The following KCNAB1 variants were observed in gnomAD, a reference collection of about 807,000 sequenced individuals.
KCNAB1 encodes the protein voltage-gated potassium channel subunit beta-1.
A neutral mutation model predicts 64.6 loss-of-function variants in KCNAB1; 35 were observed. That is an observed-to-expected ratio of 0.54 (90% CI 0.41 to 0.72). KCNAB1 has a LOEUF of 0.72. Ranked by LOEUF, KCNAB1 falls within the 30% of genes least tolerant of loss-of-function variation. The probability of loss-of-function intolerance (pLI) is 0.00; values close to 1 mark genes in which losing one functional copy is unlikely to be tolerated. For missense variants in KCNAB1, 401 were observed against 512.9 expected, an observed-to-expected ratio of 0.78 and a Z score of 2.11; for synonymous variants, 177 against 183.8, an observed-to-expected ratio of 0.96 and a Z score of 0.30.
intron 1 of KCNAB1, among the ~76,000 whole-genome samples, chr3:156,357,726 G>A (rs1725353423): frequency 2.6e-5 from 4 of 151,014 alleles, no homozygotes; most frequent in Admixed American, 2.6e-4. Context: ...ACTTCAATAT[G>A]TAATCATATA....
chr3:156,533,054 T>G (rs1217091164), intron 13 of KCNAB1, among the ~76,000 whole-genome samples: 1 of 152,222 alleles, frequency 6.6e-6, no homozygotes, highest in Non-Finnish European at 1.5e-5. Flanking sequence ...GCCTATTGTA[T>G]ACCAGGTACT....
chr3:156,456,715 G>GA (rs1437316613), intron 3 of KCNAB1, among the ~76,000 whole-genome samples: 1 of 152,154 alleles, frequency 6.6e-6, no homozygotes, highest in East Asian at 1.9e-4. Flanking sequence ...TCGGCAAAAT[G>GA]AAAAAATGGC....
At chr3:156,237,957 C>T (rs1261525603) in intron 1 of KCNAB1, among the ~76,000 whole-genome samples, 1 of 152,090 alleles carries the variant, frequency 6.6e-6, no homozygotes, top group Non-Finnish European at 1.5e-5. Context: ...ACAGTGCTAG[C>T]CCAGAGTAGG....
chr3:156,158,080 G>T (rs949858947), intron 1 of KCNAB1, among the ~76,000 whole-genome samples: 1 of 151,200 alleles, frequency 6.6e-6, no homozygotes, highest in Non-Finnish European at 1.5e-5. Flanking sequence ...CAGGAGAATG[G>T]CGTGAACCCG....
chr3:156,291,719 C>T (rs1720438288), intron 1 of KCNAB1: 2 of 1,436,602 alleles, frequency 1.4e-6, no homozygotes, highest in South Asian at 1.5e-5. Context: ...TTTCCTGCAT[C>T]GCAGCCCCTT....
intron 1 of KCNAB1, among the ~76,000 whole-genome samples, chr3:156,156,242 T>C (rs1344220501): frequency 6.6e-6 from 1 of 151,654 alleles, no homozygotes; most frequent in Non-Finnish European, 1.5e-5. Flanking sequence ...GCTAGATTTT[T>C]CTTTGGGCAA....
chr3:156,530,803 A>G (rs886657415), intron 12 of KCNAB1, among the ~76,000 whole-genome samples: 6 of 152,184 alleles, frequency 3.9e-5, no homozygotes, highest in Non-Finnish European at 5.9e-5. Flanking sequence ...CCTAGAGTCT[A>G]CAAGAGTTCC....
intron 1 of KCNAB1, among the ~76,000 whole-genome samples, chr3:156,386,202 AAGTG>A (rs1472738067): frequency 6.6e-6 from 1 of 152,236 alleles, no homozygotes; most frequent in African/African-American, 2.4e-5. Flanking sequence ...GAAGAGACCC[AAGTG>A]AGTAACTTGA....
chr3:156,419,528 A>C (rs1170466706), intron 1 of KCNAB1, among the ~76,000 whole-genome samples: 1 of 151,728 alleles, frequency 6.6e-6, no homozygotes, highest in Non-Finnish European at 1.5e-5. Flanking sequence ...AAAAAAAAGA[A>C]AGAAAAGAAA....
chr3:156,524,096 G>A, intron 12 of KCNAB1, 149 bp downstream of exon 12: 1 of 774,196 alleles, frequency 1.3e-6, no homozygotes, highest in Non-Finnish European at 1.9e-6. Context: ...TATAAAGTGA[G>A]TTATTTGAGG....
intron 1 of KCNAB1, among the ~76,000 whole-genome samples, chr3:156,352,783 G>C (rs1366965358): frequency 6.6e-6 from 1 of 152,234 alleles, no homozygotes. Context: ...ACAGGAAAAA[G>C]GCTTTGGGCA....
intron 1 of KCNAB1, among the ~76,000 whole-genome samples, chr3:156,249,590 GA>G (rs1160399327): frequency 5.3e-5 from 8 of 151,146 alleles, no homozygotes; most frequent in East Asian, 1.9e-4. Context: ...GAAAAAAAAA[GA>G]AAAAAAAGTA....
intron 1 of KCNAB1, among the ~76,000 whole-genome samples, chr3:156,346,276 A>G (rs1724476654): frequency 6.6e-6 from 1 of 152,106 alleles, no homozygotes; most frequent in African/African-American, 2.4e-5. Context: ...CTGGTAGGAG[A>G]AAAACTCAGA....
At chr3:156,250,235 C>A (rs1321660988) in intron 1 of KCNAB1, among the ~76,000 whole-genome samples, 2 of 152,146 alleles carry the variant, frequency 1.3e-5, no homozygotes, top group East Asian at 3.9e-4. Context: ...GAGTTGTTGG[C>A]CCTAGAAAGC....
At chr3:156,529,236 C>T (rs190794939) in intron 12 of KCNAB1, among the ~76,000 whole-genome samples, 6 of 152,270 alleles carry the variant, frequency 3.9e-5, no homozygotes, top group East Asian at 3.9e-4. Flanking sequence ...CAGACACAAA[C>T]GACCACCTAT....
intron 2 of KCNAB1, among the ~76,000 whole-genome samples, chr3:156,429,472 TA>T (rs1422015264): frequency 6.6e-6 from 1 of 152,190 alleles, no homozygotes; most frequent in African/African-American, 2.4e-5. Context: ...TGCCCCTCCC[TA>T]ACCAAGAGAA....
chr3:156,495,137 T>C (rs373312779), intron 8 of KCNAB1, among the ~76,000 whole-genome samples: 18 of 152,128 alleles, frequency 1.2e-4, no homozygotes, highest in African/African-American at 4.3e-4. Flanking sequence ...GTTTTCTGTT[T>C]CTGCATTAGT....
chr3:156,141,917 CA>C (rs946015116), intron 1 of KCNAB1, among the ~76,000 whole-genome samples: 4 of 152,138 alleles, frequency 2.6e-5, no homozygotes, highest in African/African-American at 9.7e-5. Context: ...TCTTTGACAG[CA>C]TTTAGTGTTA....
chr3:156,461,678 G>A (rs762360649), intron 5 of KCNAB1, among the ~76,000 whole-genome samples: 16 of 152,156 alleles, frequency 1.1e-4, no homozygotes, highest in Non-Finnish European at 2.2e-4. Flanking sequence ...GAAAGTATCG[G>A]TGCAGTAGCT....
Sources: allele counts gnomAD v4.1 joint callset (sites outside exome capture counted in the v4.1 genomes callset), GRCh38; gene constraint gnomAD v4.1.1; transcripts MANE v1.5; gene names NCBI Gene and HGNC (gene_info 2026-07-23, HGNC 2026-07-21).